SOX5: variants seen among roughly 807,000 people sequenced by gnomAD.
The protein encoded by SOX5 is transcription factor SOX-5.
SOX5 carries 9 observed loss-of-function variants against 92.0 expected under a neutral mutation model. That is an observed-to-expected ratio of 0.10 (90% CI 0.06 to 0.17). SOX5 has a LOEUF of 0.17. SOX5 is among the 10% of genes least tolerant of loss of function. The probability of loss-of-function intolerance (pLI) is 1.00; values close to 1 mark genes in which losing one functional copy is unlikely to be tolerated. For missense variants in SOX5, 642 were observed against 944.5 expected, an observed-to-expected ratio of 0.68 and a Z score of 4.20; for synonymous variants, 344 against 336.3, an observed-to-expected ratio of 1.02 and a Z score of -0.25.
intron 9 of SOX5, chr12:23,584,737 GTGTGTGTGTGTA>G (rs1313098054): frequency 8.0e-6 from 5 of 626,236 alleles, no homozygotes; most frequent in African/African-American, 3.7e-5. Flanking sequence ...GTGAGTGTGT[GTGTGTGTGTGTA>G]TGTGTGTGTG....
At chr12:24,301,811 C>T (rs1172201930) in intron 2 of SOX5, among the ~76,000 whole-genome samples, 3 of 152,242 alleles carry the variant, frequency 2.0e-5, no homozygotes, top group South Asian at 2.1e-4. Context: ...AGCATGCAGA[C>T]GTCAGGGATA....
At chr12:23,929,257 T>C (rs999421565) in intron 1 of SOX5, among the ~76,000 whole-genome samples, 1 of 152,024 alleles carries the variant, frequency 6.6e-6, no homozygotes, top group Non-Finnish European at 1.5e-5. Context: ...GAAAGTATGT[T>C]ACATTGTGGA....
At chr12:23,657,849 G>T (rs778668865) in intron 7 of SOX5, among the ~76,000 whole-genome samples, 13 of 152,170 alleles carry the variant, frequency 8.5e-5, no homozygotes, top group Non-Finnish European at 1.8e-4. Flanking sequence ...GTTGAAAAGA[G>T]AATACTAAGC....
intron 1 of SOX5, among the ~76,000 whole-genome samples, chr12:23,909,467 A>G (rs1338261661): frequency 5.9e-5 from 9 of 152,230 alleles, no homozygotes; most frequent in Admixed American, 5.2e-4. Flanking sequence ...CAGTACAAAA[A>G]TTGAAACAAA....
intron 2 of SOX5, among the ~76,000 whole-genome samples, chr12:23,895,242 G>C (rs75231042): frequency 6.9e-6 from 1 of 145,294 alleles, no homozygotes; most frequent in Non-Finnish European, 1.5e-5. Flanking sequence ...CCGAATTAAC[G>C]AAACAACAGT....
At chr12:23,879,842 T>A (rs1328806258) in intron 2 of SOX5, among the ~76,000 whole-genome samples, 2 of 152,184 alleles carry the variant, frequency 1.3e-5, no homozygotes, top group Admixed American at 6.5e-5. Context: ...ATAGTGAATC[T>A]ATGGCTCAAA....
chr12:23,825,012 C>A (rs1271109216), intron 3 of SOX5, among the ~76,000 whole-genome samples: 2 of 152,186 alleles, frequency 1.3e-5, no homozygotes, highest in Non-Finnish European at 2.9e-5. Context: ...GCCAGTGGAT[C>A]TTGGCTTGCT....
chr12:23,580,398 A>T (rs114361274), intron 9 of SOX5, among the ~76,000 whole-genome samples: 2,222 of 152,146 alleles, frequency 0.015, 51 homozygotes, highest in African/African-American at 0.051. Flanking sequence ...TAATACAAAC[A>T]TTTGCTATTC....
At chr12:24,088,034 C>T (rs372002811) in intron 4 of SOX5, among the ~76,000 whole-genome samples, 34 of 152,074 alleles carry the variant, frequency 2.2e-4, no homozygotes, top group African/African-American at 7.9e-4. Flanking sequence ...GGAGGAAGCA[C>T]TTGCATCCCC....
chr12:23,744,958 A>G (rs756597551), intron 4 of SOX5, among the ~76,000 whole-genome samples: 1 of 152,160 alleles, frequency 6.6e-6, no homozygotes, highest in Non-Finnish European at 1.5e-5. Flanking sequence ...CTCGGTCTGT[A>G]CATACCCATG....
intron 6 of SOX5, among the ~76,000 whole-genome samples, chr12:23,688,113 T>C (rs1566981504): frequency 6.6e-6 from 1 of 152,074 alleles, no homozygotes; most frequent in Non-Finnish European, 1.5e-5. Context: ...TGTACTTACA[T>C]CTTGCTTGCA....
intron 8 of SOX5, among the ~76,000 whole-genome samples, chr12:23,639,010 C>T (rs1266899913): frequency 1.3e-5 from 2 of 151,800 alleles, no homozygotes; most frequent in Non-Finnish European, 2.9e-5. Flanking sequence ...TTATTTGAGG[C>T]TCTAAAACTC....
At chr12:24,370,794 GACA>G (rs72523893) in intron 1 of SOX5, among the ~76,000 whole-genome samples, 5,713 of 152,250 alleles carry the variant, frequency 0.038, 140 homozygotes, top group Non-Finnish European at 0.059. Context: ...TCTGTCAAAA[GACA>G]ACAACAACAA....
chr12:24,107,814 A>C (rs181299026), intron 4 of SOX5, among the ~76,000 whole-genome samples: 2 of 152,318 alleles, frequency 1.3e-5, no homozygotes, highest in African/African-American at 4.8e-5. Context: ...TCTGTTCCTT[A>C]ATTAAAACGA....
chr12:24,494,963 A>C (rs1277432665), intron 1 of SOX5, among the ~76,000 whole-genome samples: 1 of 152,194 alleles, frequency 6.6e-6, no homozygotes, highest in Non-Finnish European at 1.5e-5. Flanking sequence ...TCTTAGCCTT[A>C]AAAAGGTAAT....
intron 3 of SOX5, among the ~76,000 whole-genome samples, chr12:23,762,786 T>C (rs536722479): frequency 6.6e-6 from 1 of 152,288 alleles, no homozygotes; most frequent in South Asian, 2.1e-4. Flanking sequence ...AGAATATCTT[T>C]TATCACATGA....
intron 2 of SOX5, among the ~76,000 whole-genome samples, chr12:23,870,182 T>G (rs2096858158): frequency 6.6e-6 from 1 of 151,762 alleles, no homozygotes; most frequent in South Asian, 2.1e-4. Flanking sequence ...TAAATATAGG[T>G]GATCAGAAAA....
At chr12:24,543,785 T>C (rs906268056) in intron 1 of SOX5, among the ~76,000 whole-genome samples, 1 of 152,204 alleles carries the variant, frequency 6.6e-6, no homozygotes, top group Admixed American at 6.5e-5. Flanking sequence ...AGTCATAATA[T>C]TCTTTTGAGA....
chr12:23,813,145 C>T (rs1409848263), intron 3 of SOX5, among the ~76,000 whole-genome samples: 4 of 152,110 alleles, frequency 2.6e-5, no homozygotes, highest in Admixed American at 1.3e-4. Context: ...ATAATTGTCA[C>T]TCTATTCTGC....
Sources: allele counts gnomAD v4.1 joint callset (sites outside exome capture counted in the v4.1 genomes callset), GRCh38; gene constraint gnomAD v4.1.1; transcripts MANE v1.5; gene names NCBI Gene and HGNC (gene_info 2026-07-23, HGNC 2026-07-21).